The following SIN3B variants were observed in gnomAD, a reference collection of about 807,000 sequenced individuals.
SIN3B encodes the protein paired amphipathic helix protein Sin3b.
Under a neutral mutation model 120.2 loss-of-function variants are expected in SIN3B, and 19 were observed. The ratio of observed to expected loss-of-function variants is 0.16; its 90% CI spans 0.11 to 0.23. The LOEUF is 0.23. Ranked by LOEUF, SIN3B falls within the 10% of genes least tolerant of loss-of-function variation. SIN3B has a pLI of 1.00. For missense variants in SIN3B, 1,073 were observed against 1,573.0 expected (o/e 0.68, Z 5.38); for synonymous variants, 654 against 653.2 (o/e 1.00, Z -0.02).
rs1971758232 is a variant in SIN3B at position 16,865,574 on chromosome 19, T to C, written c.1548T>C (p.Tyr516=). ...VIQRRAIYRI[Y]GDKAPEIIES... ...AGCGCCGTGCCATTTATCGCATCTA[T>C]GGCGACAAGGCCCCGGAGATCATCG... Residue 516 remains tyrosine, a synonymous_variant, in exon 11 of 19, where the codon TAT becomes TAC. Transcript: ENST00000248054. The C allele has an allele frequency of 6.2e-7, 1 of 1,613,460 alleles. No homozygotes were observed. Among genetic ancestry groups the C allele is most frequent in the Admixed American group, 1.7e-5 (1 of 59,960 alleles).
rs996654070 is a variant in SIN3B at position 16,857,507 on chromosome 19, T to TAAA, written c.1058+3252_1058+3254dup. Among the ~76,000 whole-genome samples the TAAA allele has an allele frequency of 4.2e-5, 4 of 96,100 alleles. No homozygotes were observed. In the East Asian group the frequency reaches 9.3e-4, roughly 22 times the overall value. The allele number at this position is 96,100 out of a possible 152,430, so 63.0% of individuals were successfully genotyped here. On this transcript the variant is annotated intron_variant, in intron 8 of 18. Transcript: ENST00000248054. ...CTGTGTGAGCCCTTTTGCATTAACT[T>TAAA]AAAAAAAATATGTGTGTGTGTGTGT...
At chr19:16,830,704 AC>A (rs1266732073) in intron 2 of SIN3B, among the ~76,000 whole-genome samples, 1 of 152,000 alleles carries the variant, frequency 6.6e-6, no homozygotes, top group Admixed American at 6.6e-5. Flanking sequence ...CAGAAGGGAG[AC>A]CCCATCTCTC....
intron 8 of SIN3B, among the ~76,000 whole-genome samples, chr19:16,857,553 GTA>G (rs1555742155): frequency 2.0e-3 from 285 of 139,544 alleles, no homozygotes; most frequent in African/African-American, 5.6e-3. Context: ...GTGTGTGTGT[GTA>G]TATATACACA....
Position 16,876,118 on chromosome 19 carries a change from A to C in SIN3B, c.2656A>C (p.Lys886Gln), listed in dbSNP as rs1246646861. The change falls in exon 15 of 19, where the codon AAG becomes CAG. Residue 886 changes from lysine to glutamine, a missense_variant. Transcript: ENST00000248054. The surrounding 1 kb of genome is among the most constrained non-coding windows in gnomAD (Gnocchi z 7.1). ...GGTGGAGCTCTACCTGAACGAGAAG[A>C]AGCGGGGTGCCGCTGGTGGGAACCT... ...KVVELYLNEK[K>Q]RGAAGGNLSS... 1 of 1,604,064 alleles carries C rather than the reference A, an allele frequency of 6.2e-7. No individual in the cohort carries two copies. The highest frequency in any genetic ancestry group is 2.2e-5 in the East Asian group (1 of 44,538).
intron 14 of SIN3B, chr19:16,872,379 CCT>C: frequency 6.6e-6 from 1 of 152,032 alleles, no homozygotes; most frequent in Non-Finnish European, 1.5e-5. Flanking sequence ...AACCCCTGCC[CCT>C]GTGTCCCCAC....
At chr19:16,835,606 G>A (rs1201869903) in intron 3 of SIN3B, among the ~76,000 whole-genome samples, 4 of 150,448 alleles carry the variant, frequency 2.7e-5, no homozygotes, top group East Asian at 2.0e-4. Flanking sequence ...TGCAGCCTCC[G>A]CCTCTGAGGT....
chr19:16,840,578 C>G (rs1051731237), intron 3 of SIN3B, among the ~76,000 whole-genome samples: 1 of 152,240 alleles, frequency 6.6e-6, no homozygotes, highest in Non-Finnish European at 1.5e-5. Context: ...GTACCTGTTT[C>G]AGTACAAGAC....
chr19:16,872,072 C>T (rs1344360327), intron 14 of SIN3B, among the ~76,000 whole-genome samples: 2 of 152,130 alleles, frequency 1.3e-5, no homozygotes, highest in African/African-American at 2.4e-5. Context: ...AAACAGCAGA[C>T]GTCCCAGACG....
At position 16,831,655 on chromosome 19, in the gene SIN3B, A is replaced by G. The variant is rs1971280158; in HGVS notation, c.381+8A>G. The G allele has an allele frequency of 6.8e-6, 11 of 1,613,628 alleles. No individual in the cohort carries two copies. Among genetic ancestry groups the G allele is most frequent in the Non-Finnish European group, 8.5e-6 (10 of 1,179,656 alleles). ...TCGCCTCTGACAAGCCAGGTATGCC[A>G]CTACAGTGGTTCGGGTGATCTCAGC... is the stretch of plus-strand genomic sequence containing the variant. On this transcript the variant is annotated splice_region_variant and intron_variant, in intron 3 of 18. Transcript: ENST00000248054.
intron 3 of SIN3B, among the ~76,000 whole-genome samples, chr19:16,834,781 C>T (rs1971324021): frequency 6.6e-6 from 1 of 152,114 alleles, no homozygotes; most frequent in African/African-American, 2.4e-5. Flanking sequence ...ATCCCAGGTC[C>T]AGGCCATGAC....
At chr19:16,873,144 G>A (rs1248500896) in intron 14 of SIN3B, among the ~76,000 whole-genome samples, 1 of 141,586 alleles carries the variant, frequency 7.1e-6, no homozygotes, top group Non-Finnish European at 1.6e-5. Context: ...GGCTCACGTT[G>A]CATTTCCCTG....
Position 16,869,452 on chromosome 19 carries a change from C to T in SIN3B, c.1807-8C>T. On this transcript the variant is annotated splice_region_variant and splice_polypyrimidine_tract_variant and intron_variant, in intron 12 of 18. Coordinates refer to ENST00000248054, the MANE Select transcript of SIN3B (RefSeq NM_001297595.2). ...CTTTCCACCTAATGGCCGCCCTTCC[C>T]CCCACAGCACCAGGAGCAGCACTCG... is the stretch of plus-strand genomic sequence containing the variant. The T allele has an allele frequency of 6.3e-7, 1 of 1,598,492 alleles. No individual in the cohort carries two copies. Among genetic ancestry groups the T allele is most frequent in the Non-Finnish European group, 8.6e-7 (1 of 1,169,174 alleles).
chr19:16,834,141 C>T (rs1400737048), intron 3 of SIN3B, among the ~76,000 whole-genome samples: 1 of 152,132 alleles, frequency 6.6e-6, no homozygotes, highest in African/African-American at 2.4e-5. Flanking sequence ...GTGTCTTAGA[C>T]CATGAAAGCC....
intron 10 of SIN3B, among the ~76,000 whole-genome samples, chr19:16,864,139 C>T (rs1015336856): frequency 1.3e-5 from 2 of 151,900 alleles, no homozygotes; most frequent in Non-Finnish European, 2.9e-5. Flanking sequence ...ACCAAAAATA[C>T]AAAAATTAGC....
At chr19:16,858,033 C>T (rs1463617642) in intron 8 of SIN3B, among the ~76,000 whole-genome samples, 1 of 152,094 alleles carries the variant, frequency 6.6e-6, no homozygotes, top group African/African-American at 2.4e-5. Flanking sequence ...CCTGTGACCA[C>T]ACCCAGCTAC....
intron 17 of SIN3B, 70 bp downstream of exon 17, chr19:16,877,709 C>A: frequency 8.9e-7 from 1 of 1,119,264 alleles, no homozygotes; most frequent in Non-Finnish European, 1.3e-6. Context: ...TTTGTCCTGA[C>A]GGGGGCTGGA....
rs945847352 is a variant in SIN3B, at chr19:16,879,662, A to C, written c.*935A>C. 2.0e-5 allele frequency: 3 copies of C among 152,034 alleles called. No homozygotes were observed. The highest frequency in any genetic ancestry group is 7.3e-5 in the African/African-American group (3 of 41,358). The allele number at this position is 152,034 out of a possible 1,614,324, so 9.4% of individuals were successfully genotyped here. On this transcript the variant is annotated 3_prime_UTR_variant, in exon 19 of 19. Coordinates refer to ENST00000248054, the MANE Select transcript of SIN3B (RefSeq NM_001297595.2). ...AGCCGCCCTGACAGTCCCAGCCGCC[A>C]CCCAAGGAGCCCCATCCGCCCACCC...
chr19:16,863,435 G>GT, intron 9 of SIN3B: 1 of 556,068 alleles, frequency 1.8e-6, no homozygotes. Flanking sequence ...AGGGACTTGA[G>GT]TATCTGTGGA....
rs775623591 is a variant in SIN3B, at chr19:16,878,711, G to A, written c.3377G>A (p.Arg1126His). The A allele has an allele frequency of 1.1e-5, 18 of 1,601,334 alleles. No individual in the cohort carries two copies. Among genetic ancestry groups the A allele is most frequent in the African/African-American group, 2.7e-5 (2 of 74,720 alleles). ...VTRYRVQYSR[R>H]PASP ...CGCTACCGCGTGCAGTACAGCCGCC[G>A]CCCGGCCTCGCCCTGACCCGCCCTC... Residue 1126 changes from arginine to histidine, a missense_variant, in exon 19 of 19, where the codon CGC becomes CAC. Transcript: ENST00000248054.
Sources: allele counts gnomAD v4.1 joint callset (sites outside exome capture counted in the v4.1 genomes callset), GRCh38; gene constraint gnomAD v4.1.1; non-coding constraint Gnocchi (gnomAD v3.1); transcripts MANE v1.5; gene names NCBI Gene and HGNC (gene_info 2026-07-23, HGNC 2026-07-21).